RAB5A: variants seen among roughly 807,000 people sequenced by gnomAD.
RAB5A encodes RAB5A, member RAS oncogene family.
RAB5A carries 8 observed loss-of-function variants against 25.7 expected under a neutral mutation model. That is an observed-to-expected ratio of 0.31 (90% CI 0.18 to 0.56). The LOEUF is 0.56. Ranked by LOEUF, RAB5A falls within the 20% of genes least tolerant of loss-of-function variation. The probability of loss-of-function intolerance (pLI) is 0.91; values close to 1 mark genes in which losing one functional copy is unlikely to be tolerated. For missense variants in RAB5A, 192 were observed against 259.7 expected (o/e 0.74, Z 1.79); for synonymous variants, 98 against 89.8 (o/e 1.09, Z -0.52).
chr3:19,955,913 A>G (rs778325881), intron 2 of RAB5A, among the ~76,000 whole-genome samples: 1 of 152,010 alleles, frequency 6.6e-6, no homozygotes. Flanking sequence ...AAAATTGTTC[A>G]TGCAACTAAC....
At chr3:19,964,936 T>A (rs960521055) in intron 2 of RAB5A, among the ~76,000 whole-genome samples, 5 of 109,566 alleles carry the variant, frequency 4.6e-5, no homozygotes, top group Admixed American at 8.5e-5. Context: ...TTACTTACTT[T>A]ATTTATTTAT....
At chr3:19,962,291 T>C (rs1354652597) in intron 2 of RAB5A, among the ~76,000 whole-genome samples, 1 of 152,106 alleles carries the variant, frequency 6.6e-6, no homozygotes, top group African/African-American at 2.4e-5. Context: ...ATCTACAGGC[T>C]GGGCGTGGTG....
intron 2 of RAB5A, among the ~76,000 whole-genome samples, chr3:19,961,478 C>T (rs999815320): frequency 2.6e-5 from 4 of 152,056 alleles, no homozygotes; most frequent in African/African-American, 9.7e-5. Context: ...CAGGTAGGGG[C>T]CTTCTTGCTA....
intron 2 of RAB5A, among the ~76,000 whole-genome samples, chr3:19,963,725 G>A (rs963942072): frequency 6.6e-6 from 1 of 152,018 alleles, no homozygotes; most frequent in East Asian, 1.9e-4. Context: ...GCTCACTGCA[G>A]CCTCCACCCC....
At chr3:19,975,415 G>T in intron 2 of RAB5A, 186 bp from the exon 3 acceptor site, 1 of 510,570 alleles carries the variant, frequency 2.0e-6, no homozygotes, top group East Asian at 3.4e-5. Flanking sequence ...TATGCAATCT[G>T]TCAAGTTTCT....
At chr3:19,981,608 C>G (rs1373311212) in intron 5 of RAB5A, among the ~76,000 whole-genome samples, 1 of 137,784 alleles carries the variant, frequency 7.3e-6, no homozygotes, top group Admixed American at 6.9e-5. Flanking sequence ...AGCGAGACTC[C>G]GCCTCAAAAA....
chr3:19,967,099 T>A (rs1039967408), intron 2 of RAB5A, among the ~76,000 whole-genome samples: 2 of 152,166 alleles, frequency 1.3e-5, no homozygotes, highest in African/African-American at 4.8e-5. Context: ...CTCTTATTGG[T>A]CATTTGTGTA....
rs149206559 is a variant in RAB5A, at chr3:19,950,938, A to T, written c.40A>T (p.Thr14Ser). The change falls in exon 2 of 6, where the codon ACG (threonine) becomes TCG (serine). Residue 14 changes from threonine (T) to serine (S), a missense_variant. Transcript: ENST00000273047. ...CGCAACAAGACCCAACGGGCCAAAT[A>T]CGGGAAATAAAATATGCCAGTTCAA... ...RGATRPNGPN[T>S]GNKICQFKLV... 3.4e-5 allele frequency: 55 copies of T among 1,613,884 alleles called. No homozygotes were observed. The African/African-American group carries it at 6.5e-4, about 19-fold the overall frequency.
chr3:19,961,772 A>G (rs998304749), intron 2 of RAB5A, among the ~76,000 whole-genome samples: 2 of 152,182 alleles, frequency 1.3e-5, no homozygotes, highest in Non-Finnish European at 2.9e-5. Context: ...TTTGTTATAT[A>G]TCCTTGCAAA....
chr3:19,966,041 A>C (rs1575072143), intron 2 of RAB5A, among the ~76,000 whole-genome samples: 1 of 152,184 alleles, frequency 6.6e-6, no homozygotes, highest in Non-Finnish European at 1.5e-5. Flanking sequence ...ATTTCTTTTT[A>C]AAATTGCGGT....
chr3:19,961,264 G>A (rs768622635), intron 2 of RAB5A, among the ~76,000 whole-genome samples: 8 of 152,180 alleles, frequency 5.3e-5, no homozygotes, highest in African/African-American at 1.2e-4. Flanking sequence ...GGAAACTGAA[G>A]CAATAAAGGT....
At chr3:19,978,664 G>C (rs1054121572) in intron 5 of RAB5A, 1 of 287,154 alleles carries the variant, frequency 3.5e-6, no homozygotes, top group Non-Finnish European at 6.5e-6. Flanking sequence ...CTTCTTCCAG[G>C]TGAGTTAAGC....
chr3:19,950,773 T>C (rs189794197), intron 1 of RAB5A, 33 bp from the exon 2 acceptor site: 7 of 943,266 alleles, frequency 7.4e-6, no homozygotes, highest in Non-Finnish European at 1.1e-5. Flanking sequence ...CTTTACTGAT[T>C]TGTATATTTA....
chr3:19,964,636 T>G (rs927865334), intron 2 of RAB5A, among the ~76,000 whole-genome samples: 1 of 152,222 alleles, frequency 6.6e-6, no homozygotes, highest in African/African-American at 2.4e-5. Flanking sequence ...TTTTATTTAT[T>G]TGTTTGAGAC....
intron 1 of RAB5A, among the ~76,000 whole-genome samples, chr3:19,948,850 A>C (rs1037135808): frequency 6.6e-6 from 1 of 152,188 alleles, no homozygotes; most frequent in African/African-American, 2.4e-5. Flanking sequence ...TTCTTAAATA[A>C]AAAGACAAAT....
chr3:19,950,059 G>C (rs967512001), intron 1 of RAB5A, among the ~76,000 whole-genome samples: 3 of 152,086 alleles, frequency 2.0e-5, no homozygotes, highest in Admixed American at 6.6e-5. Context: ...TTTTAAAAAT[G>C]GCATGTATAT....
At chr3:19,967,299 C>A (rs1696675082) in intron 2 of RAB5A, among the ~76,000 whole-genome samples, 1 of 152,134 alleles carries the variant, frequency 6.6e-6, no homozygotes. Context: ...CAACCGCCAC[C>A]ACGTCCAGCT....
At chr3:19,954,905 T>A (rs1471295210) in intron 2 of RAB5A, among the ~76,000 whole-genome samples, 1 of 152,166 alleles carries the variant, frequency 6.6e-6, no homozygotes, top group Non-Finnish European at 1.5e-5. Context: ...TTGCGTGCCG[T>A]AGATTTAGCA....
At chr3:19,978,245 A>T in intron 4 of RAB5A, 65 bp from the exon 5 acceptor site, 1 of 1,036,312 alleles carries the variant, frequency 9.6e-7, no homozygotes, top group Non-Finnish European at 1.5e-6. Flanking sequence ...TAACAAGTTT[A>T]AAGCAGGTGT....
Sources: allele counts gnomAD v4.1 joint callset (sites outside exome capture counted in the v4.1 genomes callset), GRCh38; gene constraint gnomAD v4.1.1; transcripts MANE v1.5; gene names NCBI Gene and HGNC (gene_info 2026-07-23, HGNC 2026-07-21).